The following TYW1B variants were observed in gnomAD, a reference collection of about 807,000 sequenced individuals.
TYW1B encodes S-adenosyl-L-methionine-dependent tRNA 4-demethylwyosine synthase TYW1B.
A neutral mutation model predicts 86.9 loss-of-function variants in TYW1B; 73 were observed. The ratio of observed to expected loss-of-function variants is 0.84; its 90% confidence interval spans 0.70 to 1.02. TYW1B has a LOEUF of 1.02. TYW1B is among the 50% of genes least tolerant of loss of function. TYW1B has a pLI of 0.00. For synonymous variants in TYW1B, 248 were observed against 292.8 expected (o/e 0.85, Z 1.56); for missense variants, 637 against 827.4 (o/e 0.77, Z 2.82).
rs186533494 is a variant in TYW1B, at chr7:72,755,938, C to T, written c.965-11337G>A. Among the ~76,000 whole-genome samples the T allele has an allele frequency of 1.0e-3, 158 of 152,086 alleles. 1 individual carries two copies. Among genetic ancestry groups the T allele is most frequent in the African/African-American group, 3.5e-3 (147 of 41,494 alleles). ...AAAGATCAGGTGTGGATTGTGAAAACGGGCAGGGGCAGTCCAAGAGAAAAA... is the reference window on the plus strand; with the variant it reads ...AAAGATCAGGTGTGGATTGTGAAAATGGGCAGGGGCAGTCCAAGAGAAAAA... On this transcript the variant is annotated intron_variant, in intron 7 of 13. Transcript: ENST00000620995.
intron 11 of TYW1B, among the ~76,000 whole-genome samples, chr7:72,648,385 ATACAAAAAT>A (rs1812982886): frequency 6.6e-6 from 1 of 151,944 alleles, no homozygotes; most frequent in Non-Finnish European, 1.5e-5. Flanking sequence ...TCTACTAAAA[ATACAAAAAT>A]TAGCTGGACT....
chr7:72,770,366 T>C (rs1441430395), intron 7 of TYW1B, among the ~76,000 whole-genome samples: 1 of 146,658 alleles, frequency 6.8e-6, no homozygotes, highest in Non-Finnish European at 1.5e-5. Context: ...GAGGCAGAGG[T>C]TGCAGTGAGC....
intron 7 of TYW1B, among the ~76,000 whole-genome samples, chr7:72,768,403 T>G (rs1472548588): frequency 6.6e-6 from 1 of 152,170 alleles, no homozygotes; most frequent in Non-Finnish European, 1.5e-5. Flanking sequence ...TATGTTTATC[T>G]AATTTCTGTA....
intron 7 of TYW1B, among the ~76,000 whole-genome samples, chr7:72,757,362 C>T (rs551355674): frequency 2.3e-4 from 28 of 120,640 alleles, no homozygotes; most frequent in African/African-American, 7.2e-4. Context: ...AGCGAGACTC[C>T]GTCTATGGAA....
intron 8 of TYW1B, among the ~76,000 whole-genome samples, chr7:72,740,922 G>C (rs1787293038): frequency 6.6e-6 from 1 of 151,844 alleles, no homozygotes; most frequent in Non-Finnish European, 1.5e-5. Context: ...AGTAGAGACA[G>C]GGTTTCACTG....
At chr7:72,582,631 A>G (rs1811182069) in intron 13 of TYW1B, among the ~76,000 whole-genome samples, 1 of 152,200 alleles carries the variant, frequency 6.6e-6, no homozygotes, top group South Asian at 2.1e-4. Context: ...TTCACTCAAG[A>G]CAGAGCTGGT....
chr7:72,612,039 C>T (rs1168571188), intron 13 of TYW1B, among the ~76,000 whole-genome samples: 1 of 151,920 alleles, frequency 6.6e-6, no homozygotes, highest in Non-Finnish European at 1.5e-5. Context: ...CTCTTCTTCT[C>T]TTTTTCTCTC....
At chr7:72,606,612 C>CA (rs1307364482) in intron 13 of TYW1B, among the ~76,000 whole-genome samples, 12 of 59,830 alleles carry the variant, frequency 2.0e-4, no homozygotes, top group South Asian at 1.5e-3. Flanking sequence ...ATAAGGCCCC[C>CA]CCCCCGCCTC....
chr7:72,827,776 C>G lies in TYW1B; in HGVS notation c.4+296G>C, dbSNP rs7790745. On this transcript the variant is annotated intron_variant, in intron 1 of 13. Coordinates refer to ENST00000620995, the MANE Select transcript of TYW1B (RefSeq NM_001145440.3). ...ACCTGGCTTCAAACGTTCAACCTGG[C>G]AGCAATTTCAAAAGTCGAAGCCTGA... is the stretch of plus-strand genomic sequence containing the variant. Among the ~76,000 whole-genome samples, 1,011 of 152,118 alleles carry G rather than the reference C, an allele frequency of 6.6e-3. 15 individuals are homozygous for G. Among genetic ancestry groups the G allele is most frequent in the African/African-American group, 0.021 (875 of 41,490 alleles).
chr7:72,653,980 G>T (rs1354429575), intron 11 of TYW1B, among the ~76,000 whole-genome samples: 1 of 150,750 alleles, frequency 6.6e-6, no homozygotes, highest in African/African-American at 2.4e-5. Flanking sequence ...CTCAGGAGGC[G>T]GAGGCAGGAG....
At chr7:72,806,572 T>C (rs1788499153) in intron 5 of TYW1B, among the ~76,000 whole-genome samples, 1 of 151,958 alleles carries the variant, frequency 6.6e-6, no homozygotes, top group African/African-American at 2.4e-5. Context: ...TAGCACGATA[T>C]GGCTTAATTC....
At chr7:72,755,387 C>G (rs1787568695) in intron 7 of TYW1B, among the ~76,000 whole-genome samples, 1 of 152,056 alleles carries the variant, frequency 6.6e-6, no homozygotes, top group African/African-American at 2.4e-5. Flanking sequence ...TTACTGCACT[C>G]CAGCCTGGCC....
intron 1 of TYW1B, among the ~76,000 whole-genome samples, chr7:72,827,537 A>G (rs1318603114): frequency 1.3e-5 from 2 of 152,242 alleles, no homozygotes; most frequent in Non-Finnish European, 2.9e-5. Flanking sequence ...CTTCGAAATG[A>G]GCATTTAGAA....
chr7:72,652,377 G>GAAAAAAA (rs1169791430), intron 11 of TYW1B, among the ~76,000 whole-genome samples: 3 of 31,300 alleles, frequency 9.6e-5, no homozygotes, highest in African/African-American at 2.6e-4. Context: ...GACTCTGTCT[G>GAAAAAAA]AAAAAAAAAA....
intron 11 of TYW1B, among the ~76,000 whole-genome samples, chr7:72,634,487 C>G (rs1271987413): frequency 1.3e-5 from 2 of 150,140 alleles, no homozygotes; most frequent in African/African-American, 5.0e-5. Flanking sequence ...ACGTGCCCAG[C>G]TGTACTTGTC....
intron 7 of TYW1B, among the ~76,000 whole-genome samples, chr7:72,774,481 G>A (rs1258630613): frequency 6.6e-6 from 1 of 151,696 alleles, no homozygotes; most frequent in African/African-American, 2.4e-5. Context: ...CCAGCACTTT[G>A]GGAGGCCAAG....
At chr7:72,607,558 T>C (rs1811833300) in intron 13 of TYW1B, among the ~76,000 whole-genome samples, 1 of 151,850 alleles carries the variant, frequency 6.6e-6, no homozygotes, top group African/African-American at 2.4e-5. Context: ...ATGGAAATTT[T>C]AGAACTGAAA....
At chr7:72,657,509 A>AC (rs1554443835) in intron 11 of TYW1B, among the ~76,000 whole-genome samples, 2 of 152,180 alleles carry the variant, frequency 1.3e-5, no homozygotes, top group African/African-American at 4.8e-5. Context: ...AAAGATCCCC[A>AC]CATATATTCA....
At chr7:72,755,001 G>A (rs36103188) in intron 7 of TYW1B, among the ~76,000 whole-genome samples, 104,910 of 152,024 alleles carry the variant, frequency 0.69, 37,167 homozygotes, top group Non-Finnish European at 0.77. Flanking sequence ...AAGGCACTGA[G>A]TCTGATATTA....
Sources: gnomAD v4.1 joint callset for allele counts (sites outside exome capture counted in the v4.1 genomes callset) on GRCh38, gnomAD v4.1.1 for gene constraint, MANE v1.5 for transcripts, NCBI Gene and HGNC (gene_info 2026-07-23, HGNC 2026-07-21) for gene names.